Variants in GALNS observed in about 807,000 individuals in gnomAD.
GALNS encodes galactosamine (N-acetyl)-6-sulfatase, also known as N-acetylgalactosamine-6-sulfatase.
Under a neutral mutation model 65.9 loss-of-function variants are expected in GALNS, and 65 were observed. The observed-to-expected ratio is 0.99, with a 90% CI of 0.81 to 1.21. The LOEUF is 1.21. GALNS is among the 50% of genes most tolerant of loss of function. The pLI is 0.00. For synonymous variants in GALNS, 346 were observed against 288.9 expected (o/e 1.20, Z -2.00); for missense variants, 776 against 700.7 (o/e 1.11, Z -1.21).
At chr16:88,818,771 A>G (rs1039481619) in intron 12 of GALNS, among the ~76,000 whole-genome samples, 1 of 152,240 alleles carries the variant, frequency 6.6e-6, no homozygotes, top group Non-Finnish European at 1.5e-5. Flanking sequence ...ACCATTTTCA[A>G]TCACTTCTAA....
chr16:88,855,500 G>C (rs1967774477), intron 1 of GALNS: 1 of 702,810 alleles, frequency 1.4e-6, no homozygotes, highest in Non-Finnish European at 2.6e-6. Context: ...GGGCGCTGGA[G>C]AGCGTGCTCT....
chr16:88,854,915 C>G (rs865831139), intron 1 of GALNS, among the ~76,000 whole-genome samples: 1 of 152,238 alleles, frequency 6.6e-6, no homozygotes, highest in Non-Finnish European at 1.5e-5. Flanking sequence ...AGCTGCCAAA[C>G]GACCCCACAA....
At chr16:88,854,953 TGC>T (rs886604613) in intron 1 of GALNS, among the ~76,000 whole-genome samples, 1 of 152,168 alleles carries the variant, frequency 6.6e-6, no homozygotes, top group Non-Finnish European at 1.5e-5. Context: ...ACAGAACAGG[TGC>T]CCAGGTGGGC....
chr16:88,828,402 A>G (rs1911146628), intron 9 of GALNS, among the ~76,000 whole-genome samples: 1 of 152,156 alleles, frequency 6.6e-6, no homozygotes, highest in South Asian at 2.1e-4. Flanking sequence ...GCTGTGGGAG[A>G]AGTCACTGAA....
At position 88,835,323 on chromosome 16, in the gene GALNS, T is replaced by C. The variant is rs1912004888; in HGVS notation, c.788A>G (p.Asp263Gly). 1 of 1,613,674 alleles carries C rather than the reference T, an allele frequency of 6.2e-7. No individual in the cohort carries two copies. Among genetic ancestry groups the C allele is most frequent in the Non-Finnish European group, 8.5e-7 (1 of 1,179,876 alleles). The change falls in exon 8 of 14, where the codon GAC (aspartate) becomes GGC (glycine). Residue 263 changes from aspartate to glycine, a missense_variant. Physicochemically the swap from Asp to Gly is moderately conservative, Grantham distance 94. Transcript: ENST00000268695. ...GAGCTCCAGTATCTTCCCAATGCTG[T>C]CATCAATCTCCCGGACGGCGTCTCC... Reference protein sequence around the residue: ...RYGDAVREIDDSIGKILELLQ... With the variant: ...RYGDAVREIDGSIGKILELLQ...
In GALNS at chr16:88,814,477, G is replaced by C. The variant is rs530773540; in HGVS notation, c.1531C>G (p.Pro511Ala). 7.0e-6 allele frequency: 11 copies of C among 1,563,550 alleles called. No individual in the cohort carries two copies. Among genetic ancestry groups the C allele is most frequent in the Non-Finnish European group, 8.7e-6 (10 of 1,153,382 alleles). Residue 511 changes from proline to alanine, a missense_variant, in exon 14 of 14, where the codon CCA becomes GCA. Pro to Ala is a conservative substitution (Grantham distance 27). Coordinates refer to ENST00000268695, the MANE Select transcript of GALNS (RefSeq NM_000512.5). ...AGGCACTTCTTGGGAATGGATTCTG[G>C]AGGTGTCAGACACTTCCCTAACTTT... ...CEKLGKCLTP[P>A]ESIPKKCLWS...
chr16:88,831,061 G>A lies in GALNS; in HGVS notation c.1002+937C>T, dbSNP rs556828727. ...CTGCTGCGGTGACTGGACCACGGAT[G>A]TCTCCTCACCACACAGTCATTACCA... is the stretch of plus-strand genomic sequence containing the variant. On this transcript the variant is annotated intron_variant, in intron 9 of 13. Transcript: ENST00000268695. Among the ~76,000 whole-genome samples, 213 of 152,308 alleles carry A rather than the reference G, an allele frequency of 1.4e-3. 1 individual carries two copies. Among genetic ancestry groups the A allele is most frequent in the African/African-American group, 5.0e-3 (208 of 41,564 alleles).
chr16:88,818,097 G>A lies in GALNS; in HGVS notation c.1392C>T (p.Ala464=). The A allele has an allele frequency of 6.4e-7, 1 of 1,573,524 alleles. No individual in the cohort carries two copies. The change falls in exon 13 of 14, where the codon GCC becomes GCT. Residue 464 remains alanine (A), a synonymous_variant. Transcript: ENST00000268695. ...GGACGACCGAGGTGATCCTGCTGAG[G>A]GCCTCCTGGTACTCGGCGCTGGCAA... ...LSFASAEYQE[A]LSRITSVVQQ...
At chr16:88,850,013 A>G (rs977797054) in intron 1 of GALNS, among the ~76,000 whole-genome samples, 26 of 152,156 alleles carry the variant, frequency 1.7e-4, no homozygotes, top group African/African-American at 6.3e-4. Context: ...CCCTGAGGCC[A>G]GCCTGAGGGG....
At position 88,815,469 on chromosome 16, in the gene GALNS, GGT is replaced by G. The variant is rs1424568833; in HGVS notation, c.1483-946_1483-945del. 3 of 985,478 alleles carry G rather than the reference GGT, an allele frequency of 3.0e-6. No individual in the cohort carries two copies. The African/African-American group carries it at 5.2e-5, about 17-fold the overall frequency. 61.0% of individuals were successfully genotyped at this position (985,478 alleles called of 1,614,324 possible). A position where few individuals can be genotyped will look rare whatever the true frequency, so the allele number is the denominator to read the frequency against. On this transcript the variant is annotated intron_variant, in intron 13 of 13. Coordinates refer to ENST00000268695, the MANE Select transcript of GALNS (RefSeq NM_000512.5). Reference sequence around the variant, plus strand: ...GGAGCCCGCACCCCTCCATCGCCTGGGTGTGTGTGGACCTCACAGTGCAGCCT... The same window carrying G: ...GGAGCCCGCACCCCTCCATCGCCTGGGTGTGTGGACCTCACAGTGCAGCCT...
chr16:88,824,649 G>A (rs999479178), intron 11 of GALNS, 118 bp downstream of exon 11: 1 of 801,304 alleles, frequency 1.2e-6, no homozygotes, highest in African/African-American at 1.7e-5. Flanking sequence ...AGGCTGTGGA[G>A]GGGGTGGAGT....
At chr16:88,845,997 A>C (rs1369637042) in intron 1 of GALNS, among the ~76,000 whole-genome samples, 1 of 152,160 alleles carries the variant, frequency 6.6e-6, no homozygotes, top group African/African-American at 2.4e-5. Flanking sequence ...CTAAACAAAC[A>C]AACAAAAAAA....
At position 88,814,404 on chromosome 16, in the gene GALNS, G is replaced by A. The variant is rs1043613844; in HGVS notation, c.*35C>T. ...CCTCCAGGCACTTGCAGGGCCAACC[G>A]GAGATTCTAGGCCTGGCCTGAGTCT... On this transcript the variant is annotated 3_prime_UTR_variant, in exon 14 of 14. Transcript: ENST00000268695. 20 of 1,550,706 alleles carry A rather than the reference G, an allele frequency of 1.3e-5. No individual in the cohort carries two copies. In the African/African-American group the frequency reaches 1.5e-4, roughly 12 times the overall value.
At chr16:88,855,749 C>T (rs77855582) in intron 1 of GALNS, 10,852 of 550,106 alleles carry the variant, frequency 0.02, 132 homozygotes, top group Non-Finnish European at 0.023. Flanking sequence ...CTTCCAATTC[C>T]GACAGCCACG....
intron 13 of GALNS, chr16:88,815,247 G>A: frequency 6.1e-6 from 6 of 985,472 alleles, no homozygotes; most frequent in Non-Finnish European, 7.2e-6. Context: ...CCGGGTATGG[G>A]GGATGCAGCT....
At chr16:88,825,166 G>C (rs1438833099) in intron 10 of GALNS, among the ~76,000 whole-genome samples, 1 of 145,856 alleles carries the variant, frequency 6.9e-6, no homozygotes, top group African/African-American at 2.6e-5. Flanking sequence ...TGGGTGTTTG[G>C]GCGGCCGGGG....
chr16:88,853,013 G>A (rs183758469), intron 1 of GALNS, among the ~76,000 whole-genome samples: 12 of 152,190 alleles, frequency 7.9e-5, no homozygotes, highest in Admixed American at 7.2e-4. Context: ...CACTTTGGGA[G>A]GCTGAGGCAG....
At chr16:88,855,687 T>C (rs1477817125) in intron 1 of GALNS, 1 of 594,796 alleles carries the variant, frequency 1.7e-6, no homozygotes, top group Non-Finnish European at 3.0e-6. Context: ...TATTTTACAT[T>C]ATTTTTCTTT....
At chr16:88,842,629 T>C (rs1401630005) in intron 2 of GALNS, 77 bp downstream of exon 2, 3 of 1,561,922 alleles carry the variant, frequency 1.9e-6, no homozygotes, top group Non-Finnish European at 1.7e-6. Flanking sequence ...CCGCCCAGAG[T>C]CAGGGCTGGA....
Sources: allele counts gnomAD v4.1 joint callset (sites outside exome capture counted in the v4.1 genomes callset), GRCh38; gene constraint gnomAD v4.1.1; transcripts MANE v1.5; gene names NCBI Gene and HGNC (gene_info 2026-07-23, HGNC 2026-07-21).